CYRIA: variants seen among roughly 807,000 people sequenced by gnomAD.
CYRIA encodes CYFIP related Rac1 interactor A, also known as CYFIP-related Rac1 interactor A.
A neutral mutation model predicts 43.9 loss-of-function variants in CYRIA; 15 were observed. That is an observed-to-expected ratio of 0.34 (90% CI 0.23 to 0.53). The LOEUF (loss-of-function observed/expected upper bound fraction) is 0.53. CYRIA is among the 20% of genes least tolerant of loss of function. The probability of loss-of-function intolerance (pLI) is 0.94; values close to 1 mark genes in which losing one functional copy is unlikely to be tolerated. For missense variants in CYRIA, 236 were observed against 394.2 expected, an observed-to-expected ratio of 0.60 and a Z score of 3.40; for synonymous variants, 117 against 136.0, an observed-to-expected ratio of 0.86 and a Z score of 0.97.
rs1393765098 is a variant in CYRIA at position 16,593,704 on chromosome 2, T to G, written c.-10-5575A>C. 7.0e-5 allele frequency among the ~76,000 whole-genome samples: 7 copies of G among 100,090 alleles called. No homozygotes were observed. The South Asian group carries it at 1.4e-3, about 21-fold the overall frequency. The allele number at this position is 100,090 out of a possible 152,430, so 65.7% of individuals were successfully genotyped here. On this transcript the variant is annotated intron_variant, in intron 2 of 11. Transcript: ENST00000381323. The stretch of plus-strand genomic sequence containing the variant: ...TATTTTTTTGTGTGTGTGTGTTTTT[T>G]TTTGTGTGTGTGTGTTTTTTTTTTT...
intron 1 of CYRIA, among the ~76,000 whole-genome samples, chr2:16,648,694 T>C (rs990875432): frequency 8.5e-5 from 13 of 152,224 alleles, no homozygotes; most frequent in African/African-American, 3.1e-4. Context: ...CCCAGATTAT[T>C]GGAGCAGCTG....
At chr2:16,608,835 T>C (rs1011775555) in intron 2 of CYRIA, among the ~76,000 whole-genome samples, 1 of 152,170 alleles carries the variant, frequency 6.6e-6, no homozygotes, top group Non-Finnish European at 1.5e-5. Context: ...GCTTTGGAGC[T>C]GGAGAAGAAA....
intron 6 of CYRIA, 131 bp downstream of exon 6, chr2:16,561,874 T>C (rs1666747414): frequency 1.2e-6 from 1 of 839,644 alleles, no homozygotes; most frequent in Non-Finnish European, 1.9e-6. Context: ...CCACATTATA[T>C]GTCTCTCTAG....
intron 10 of CYRIA, among the ~76,000 whole-genome samples, chr2:16,558,039 G>A (rs1416090992): frequency 3.9e-5 from 6 of 152,078 alleles, no homozygotes; most frequent in African/African-American, 2.4e-5. Context: ...AAAATAGCAC[G>A]TAAAGCAGGG....
At chr2:16,587,543 T>C (rs1170349850) in intron 3 of CYRIA, among the ~76,000 whole-genome samples, 3 of 151,990 alleles carry the variant, frequency 2.0e-5, no homozygotes, top group African/African-American at 7.3e-5. Context: ...GGAAGGAAAA[T>C]GACATTAGAA....
At chr2:16,605,732 C>T (rs1011269864) in intron 2 of CYRIA, among the ~76,000 whole-genome samples, 5 of 152,180 alleles carry the variant, frequency 3.3e-5, no homozygotes, top group Non-Finnish European at 5.9e-5. Context: ...ATAGTGAATT[C>T]GCTTAAACAG....
At chr2:16,605,606 A>C (rs1277160758) in intron 2 of CYRIA, among the ~76,000 whole-genome samples, 1 of 152,220 alleles carries the variant, frequency 6.6e-6, no homozygotes, top group Admixed American at 6.5e-5. Flanking sequence ...TCTTGGAGAC[A>C]CCATTCACTT....
chr2:16,631,264 T>C (rs1330392814), intron 1 of CYRIA, among the ~76,000 whole-genome samples: 2 of 152,230 alleles, frequency 1.3e-5, no homozygotes, highest in African/African-American at 2.4e-5. Flanking sequence ...TCTTTACAAA[T>C]GATTGTAACT....
chr2:16,581,134 G>A (rs1667535006), intron 3 of CYRIA, among the ~76,000 whole-genome samples: 1 of 152,076 alleles, frequency 6.6e-6, no homozygotes, highest in Non-Finnish European at 1.5e-5. Flanking sequence ...TTCCATTCAT[G>A]AAAAGATATC....
intron 1 of CYRIA, among the ~76,000 whole-genome samples, chr2:16,651,066 G>A (rs751692465): frequency 1.3e-5 from 2 of 152,144 alleles, no homozygotes; most frequent in African/African-American, 2.4e-5. Flanking sequence ...TATGGAAGGC[G>A]TTCTGCAGCA....
chr2:16,624,441 C>T (rs1669094893), intron 1 of CYRIA, among the ~76,000 whole-genome samples: 1 of 152,198 alleles, frequency 6.6e-6, no homozygotes, highest in South Asian at 2.1e-4. Context: ...AGTTTCACCC[C>T]TGGGAGCTAA....
rs554228852 is a variant in CYRIA, at chr2:16,551,098, A to C, written c.*1838T>G. On this transcript the variant is annotated 3_prime_UTR_variant, in exon 12 of 12. Transcript: ENST00000381323. ...TTCAACTTGAAAATCTCCAAGGAAA[A>C]GAGCCTTTTCCTTCTGTTGACTAAT... 6.6e-6 allele frequency: 1 copy of C among 152,124 alleles called. No homozygotes were observed. Among genetic ancestry groups the C allele is most frequent in the Non-Finnish European group, 1.5e-5 (1 of 68,012 alleles). The allele number at this position is 152,124 out of a possible 1,614,324, so 9.4% of individuals were successfully genotyped here.
intron 1 of CYRIA, among the ~76,000 whole-genome samples, chr2:16,626,187 C>G (rs879356021): frequency 6.6e-6 from 1 of 152,164 alleles, no homozygotes; most frequent in Non-Finnish European, 1.5e-5. Flanking sequence ...AATGCTAATA[C>G]TATTCATAGA....
chr2:16,575,581 C>T (rs1401977929), intron 3 of CYRIA, among the ~76,000 whole-genome samples: 7 of 152,188 alleles, frequency 4.6e-5, no homozygotes, highest in Middle Eastern at 3.4e-3. Flanking sequence ...CCCGGCCGGG[C>T]GCGGTGGCTC....
rs1415693364 is a variant in CYRIA at position 16,564,245 on chromosome 2, CA to C, written c.193-152del. Reference sequence around the variant, plus strand: ...ACCGGTTCATCGGATGGTCCTCCAACATGCTCAATATGAATGGAAATTTTAA... The same window carrying C: ...ACCGGTTCATCGGATGGTCCTCCAACTGCTCAATATGAATGGAAATTTTAA... On this transcript the variant is annotated intron_variant, in intron 4 of 11. Coordinates refer to ENST00000381323, the MANE Select transcript of CYRIA (RefSeq NM_030797.4). 5 of 577,938 alleles carry C rather than the reference CA, an allele frequency of 8.7e-6. No individual in the cohort carries two copies. In the African/African-American group the frequency reaches 9.5e-5, roughly 11 times the overall value. The allele number at this position is 577,938 out of a possible 1,614,324, so 35.8% of individuals were successfully genotyped here.
chr2:16,645,118 T>C (rs6727449), intron 1 of CYRIA, among the ~76,000 whole-genome samples: 4,155 of 152,296 alleles, frequency 0.027, 203 homozygotes, highest in African/African-American at 0.092. Context: ...AAGTGATCCA[T>C]GAGAATCAAC....
chr2:16,615,837 G>A (rs1050510150), intron 2 of CYRIA, among the ~76,000 whole-genome samples: 4 of 152,340 alleles, frequency 2.6e-5, no homozygotes, highest in South Asian at 2.1e-4. Flanking sequence ...TTTCTGAACC[G>A]ATACCAGCAG....
intron 1 of CYRIA, among the ~76,000 whole-genome samples, chr2:16,637,201 C>T (rs531718639): frequency 1.3e-5 from 2 of 152,222 alleles, no homozygotes; most frequent in South Asian, 2.1e-4. Flanking sequence ...AAACTCTTTT[C>T]TTTTTAACTT....
chr2:16,626,425 C>A (rs1233802350), intron 1 of CYRIA, among the ~76,000 whole-genome samples: 1 of 152,134 alleles, frequency 6.6e-6, no homozygotes, highest in Non-Finnish European at 1.5e-5. Context: ...TCAGTTAACA[C>A]GGACCCCCAC....
Sources: gnomAD v4.1 joint callset for allele counts (sites outside exome capture counted in the v4.1 genomes callset) on GRCh38, gnomAD v4.1.1 for gene constraint, MANE v1.5 for transcripts, NCBI Gene and HGNC (gene_info 2026-07-23, HGNC 2026-07-21) for gene names.